The following TRIO variants were observed in gnomAD, a reference collection of about 807,000 sequenced individuals.
TRIO encodes triple functional domain protein.
In TRIO, 58 loss-of-function variants were observed where a neutral mutation model predicts 351.9. The ratio of observed to expected loss-of-function variants is 0.16; its 90% CI spans 0.13 to 0.21. TRIO has a LOEUF of 0.21. Ranked by LOEUF, TRIO falls within the 10% of genes least tolerant of loss-of-function variation. The pLI is 1.00. For missense variants in TRIO, 3,201 were observed against 4,027.8 expected, an observed-to-expected ratio of 0.79 and a Z score of 5.56; for synonymous variants, 1,758 against 1,595.7, an observed-to-expected ratio of 1.10 and a Z score of -2.42.
chr5:14,509,343 A>G lies in TRIO; in HGVS notation c.*921A>G. ...GTTGTACCTGTAATAAATATATAGA[A>G]AAAGCACATACTTCGTATGGTGAGC... On this transcript the variant is annotated 3_prime_UTR_variant, in exon 57 of 57. Transcript: ENST00000344204. The G allele has an allele frequency of 2.3e-6, 1 of 439,028 alleles. No individual in the cohort carries two copies. The allele number at this position is 439,028 out of a possible 1,614,324, so 27.2% of individuals were successfully genotyped here. A position where few individuals can be genotyped will look rare whatever the true frequency, so the allele number is the denominator to read the frequency against.
intron 48 of TRIO, among the ~76,000 whole-genome samples, chr5:14,490,397 C>T (rs1756397157): frequency 6.6e-6 from 1 of 152,262 alleles, no homozygotes; most frequent in Non-Finnish European, 1.5e-5. Context: ...GCCCAGCCCA[C>T]AGCCCGGCTC....
At chr5:14,146,588 AAT>A (rs1787537510) in intron 1 of TRIO, among the ~76,000 whole-genome samples, 1 of 152,250 alleles carries the variant, frequency 6.6e-6, no homozygotes, top group African/African-American at 2.4e-5. Context: ...GAAGTTCAGA[AAT>A]AGAGTGAACA....
At chr5:14,376,617 A>AT in intron 19 of TRIO, among the ~76,000 whole-genome samples, 1 of 152,314 alleles carries the variant, frequency 6.6e-6, no homozygotes, top group East Asian at 1.9e-4. Context: ...CCAGTATAGC[A>AT]TTTTTGAAGT....
At chr5:14,210,400 C>T (rs1791809606) in intron 1 of TRIO, among the ~76,000 whole-genome samples, 2 of 152,222 alleles carry the variant, frequency 1.3e-5, no homozygotes, top group Non-Finnish European at 2.9e-5. Flanking sequence ...CTGTGATCCC[C>T]ATGGGGACCT....
At chr5:14,198,451 A>G (rs1790907986) in intron 1 of TRIO, among the ~76,000 whole-genome samples, 1 of 152,196 alleles carries the variant, frequency 6.6e-6, no homozygotes, top group South Asian at 2.1e-4. Context: ...ATCTGGTCCA[A>G]CCTTTTCATT....
At chr5:14,436,703 A>G (rs949199375) in intron 34 of TRIO, among the ~76,000 whole-genome samples, 2 of 152,234 alleles carry the variant, frequency 1.3e-5, no homozygotes, top group Non-Finnish European at 2.9e-5. Flanking sequence ...CAAAGGGGCT[A>G]CAGACCCCAT....
rs80094112 is a variant in TRIO, at chr5:14,265,358, G to C, written c.158-5467G>C. 7.4e-3 allele frequency among the ~76,000 whole-genome samples: 1,100 copies of C among 149,248 alleles called. 6 individuals are homozygous for C. The highest frequency in any genetic ancestry group is 0.012 in the Non-Finnish European group (833 of 67,598). On this transcript the variant is annotated intron_variant, in intron 1 of 56. Coordinates refer to ENST00000344204, the MANE Select transcript of TRIO (RefSeq NM_007118.4). ...TTTGACTAGTTTAATTTGAAGATTA[G>C]GTAAAATTTCAGATTACTAGTATCT... is the stretch of plus-strand genomic sequence containing the variant.
At chr5:14,448,386 C>T (rs983512601) in intron 34 of TRIO, among the ~76,000 whole-genome samples, 8 of 152,226 alleles carry the variant, frequency 5.3e-5, no homozygotes, top group Admixed American at 4.6e-4. Context: ...TGCATCCTCG[C>T]CCTCAGCCTC....
chr5:14,495,586 C>T (rs1371202748), intron 49 of TRIO, among the ~76,000 whole-genome samples: 1 of 134,982 alleles, frequency 7.4e-6, no homozygotes. Context: ...CGTTTGGAGG[C>T]TGAGGCGGGT....
At chr5:14,234,530 C>T (rs1278259901) in intron 1 of TRIO, among the ~76,000 whole-genome samples, 2 of 152,188 alleles carry the variant, frequency 1.3e-5, no homozygotes, top group African/African-American at 2.4e-5. Flanking sequence ...GGAAGGTTTA[C>T]ACCACAATTG....
chr5:14,170,297 G>A (rs164521), intron 1 of TRIO, among the ~76,000 whole-genome samples: 40,847 of 151,812 alleles, frequency 0.27, 6,279 homozygotes, highest in East Asian at 0.46. Flanking sequence ...TCAATGGAGA[G>A]ATTATAGTAG....
At chr5:14,187,533 T>C (rs1439088136) in intron 1 of TRIO, among the ~76,000 whole-genome samples, 2 of 152,198 alleles carry the variant, frequency 1.3e-5, no homozygotes, top group African/African-American at 4.8e-5. Context: ...TGAAAACCAT[T>C]GTACCGAGGA....
chr5:14,174,123 A>G (rs1371819927), intron 1 of TRIO, among the ~76,000 whole-genome samples: 1 of 152,194 alleles, frequency 6.6e-6, no homozygotes, highest in Non-Finnish European at 1.5e-5. Context: ...TTATGGAGAA[A>G]TGAGCGCTAG....
At position 14,266,070 on chromosome 5, in the gene TRIO, CT is replaced by C. The variant is rs1000123951; in HGVS notation, c.158-4746del. ...ATCCATCCATCTTTCTTTTCCTTTTCTTTTTTTTTGGAGACAGAGTCTCGCT... is the reference window on the plus strand; with the variant it reads ...ATCCATCCATCTTTCTTTTCCTTTTCTTTTTTTTGGAGACAGAGTCTCGCT... On this transcript the variant is annotated intron_variant, in intron 1 of 56. Transcript: ENST00000344204. Among the ~76,000 whole-genome samples, 16 of 150,890 alleles carry C rather than the reference CT, an allele frequency of 1.1e-4. No individual in the cohort carries two copies. In the East Asian group the frequency reaches 2.7e-3, roughly 26 times the overall value.
At chr5:14,474,432 C>T (rs1464677581) in intron 40 of TRIO, among the ~76,000 whole-genome samples, 1 of 152,214 alleles carries the variant, frequency 6.6e-6, no homozygotes, top group African/African-American at 2.4e-5. Context: ...CATTCTTCAT[C>T]TGCACACCCA....
chr5:14,325,555 A>G (rs1299814311), intron 9 of TRIO, among the ~76,000 whole-genome samples: 1 of 152,188 alleles, frequency 6.6e-6, no homozygotes, highest in Non-Finnish European at 1.5e-5. Context: ...TTGATGAGGG[A>G]TCTGCCCCCA....
intron 34 of TRIO, among the ~76,000 whole-genome samples, chr5:14,458,638 T>C (rs26106): frequency 0.14 from 21,786 of 152,276 alleles, 1,870 homozygotes; most frequent in Admixed American, 0.23. Flanking sequence ...CACAGCACAG[T>C]AAGTGACTCT....
intron 34 of TRIO, among the ~76,000 whole-genome samples, chr5:14,443,777 T>TA (rs1463931416): frequency 2.0e-5 from 3 of 152,268 alleles, no homozygotes; most frequent in Non-Finnish European, 4.4e-5. Context: ...AGGAGAGTTT[T>TA]ACTGCTAAGC....
chr5:14,233,904 C>T (rs1793621590), intron 1 of TRIO, among the ~76,000 whole-genome samples: 1 of 152,194 alleles, frequency 6.6e-6, no homozygotes, highest in African/African-American at 2.4e-5. Flanking sequence ...GATTCTTTCA[C>T]CTCAGCCTCC....
Sources: gnomAD v4.1 joint callset for allele counts (sites outside exome capture counted in the v4.1 genomes callset) on GRCh38, gnomAD v4.1.1 for gene constraint, MANE v1.5 for transcripts, NCBI Gene and HGNC (gene_info 2026-07-23, HGNC 2026-07-21) for gene names.